The following TENM3 variants were observed in gnomAD, a reference collection of about 807,000 sequenced individuals.
TENM3 encodes teneurin transmembrane protein 3, also known as teneurin-3.
A neutral mutation model predicts 255.1 loss-of-function variants in TENM3; 63 were observed. That is an observed-to-expected ratio of 0.25 (90% confidence interval 0.20 to 0.30). The LOEUF (loss-of-function observed/expected upper bound fraction) is 0.30, where lower values mean the gene tolerates loss of function less well. Among genes scored for constraint, TENM3 ranks in the 10% least tolerant of loss-of-function variants. The probability of loss-of-function intolerance (pLI) is 1.00; values close to 1 mark genes in which losing one functional copy is unlikely to be tolerated. For synonymous variants in TENM3, 1,306 were observed against 1,322.3 expected (o/e 0.99, Z 0.27); for missense variants, 2,929 against 3,461.1 (o/e 0.85, Z 3.86).
chr4:181,547,168 A>C, the TENM3 span, among the ~76,000 whole-genome samples: 15,947 of 152,236 alleles, frequency 0.1, 1,158 homozygotes, highest in African/African-American at 0.19. Context: ...ATCAGAGAAA[A>C]GAGAAAAAGT....
chr4:182,551,384 T>C (rs1741995363), intron 3 of TENM3, among the ~76,000 whole-genome samples: 1 of 152,112 alleles, frequency 6.6e-6, no homozygotes, highest in African/African-American at 2.4e-5. Flanking sequence ...TAATAAACAG[T>C]TTTCAAAGAA....
intron 12 of TENM3, among the ~76,000 whole-genome samples, chr4:182,689,475 C>T (rs1356124838): frequency 6.6e-6 from 1 of 152,162 alleles, no homozygotes; most frequent in Non-Finnish European, 1.5e-5. Flanking sequence ...ACATCCTTGA[C>T]ATCTGTTTCA....
At chr4:181,454,354 T>C in the TENM3 span, among the ~76,000 whole-genome samples, 1 of 152,188 alleles carries the variant, frequency 6.6e-6, no homozygotes, top group South Asian at 2.1e-4. Flanking sequence ...TGTTTTCTAA[T>C]GTTATAATGG....
chr4:181,965,928 T>C, the TENM3 span, among the ~76,000 whole-genome samples: 1 of 152,200 alleles, frequency 6.6e-6, no homozygotes, highest in East Asian at 1.9e-4. Context: ...GATCTATCCA[T>C]TAGAAAGGTC....
the TENM3 span, among the ~76,000 whole-genome samples, chr4:181,668,819 A>C: frequency 6.6e-6 from 1 of 152,074 alleles, no homozygotes; most frequent in Non-Finnish European, 1.5e-5. Context: ...TTCTCCCTGG[A>C]ATGTCCTGCT....
chr4:182,031,483 G>A, the TENM3 span, among the ~76,000 whole-genome samples: 2 of 152,058 alleles, frequency 1.3e-5, no homozygotes, highest in African/African-American at 4.8e-5. Context: ...GAAGTCAGGG[G>A]CATGATGCTT....
At chr4:181,968,605 A>G in the TENM3 span, among the ~76,000 whole-genome samples, 1 of 152,192 alleles carries the variant, frequency 6.6e-6, no homozygotes, top group Non-Finnish European at 1.5e-5. Flanking sequence ...GAATACAGAA[A>G]ATGTTTTAAA....
the TENM3 span, among the ~76,000 whole-genome samples, chr4:181,801,803 T>C: frequency 2.6e-5 from 4 of 151,676 alleles, no homozygotes; most frequent in South Asian, 8.3e-4. Context: ...GGTTTGTCAT[T>C]TTCACTTCCT....
rs555200403 is a variant in TENM3, at chr4:182,286,303, A to G, written c.-75-37643A>G. Among the ~76,000 whole-genome samples, 16 of 152,238 alleles carry G rather than the reference A, an allele frequency of 1.1e-4. No individual in the cohort carries two copies. The South Asian group carries it at 3.1e-3, about 30-fold the overall frequency. On this transcript the variant is annotated intron_variant, in intron 1 of 27. Coordinates refer to ENST00000511685, the MANE Select transcript of TENM3 (RefSeq NM_001080477.4). ...TTTCTCTTAAACCTGCCATTCTACA[A>G]TTTTCTTTTCCCTTCTCAGATAAGC... is the stretch of plus-strand genomic sequence containing the variant.
At chr4:182,174,881 AT>A (rs568867505) in intron 1 of TENM3, among the ~76,000 whole-genome samples, 5 of 152,206 alleles carry the variant, frequency 3.3e-5, no homozygotes, top group African/African-American at 9.6e-5. Flanking sequence ...ACTCATTTTC[AT>A]TTTTTAATTC....
the TENM3 span, among the ~76,000 whole-genome samples, chr4:181,594,435 T>A: frequency 6.6e-6 from 1 of 152,240 alleles, no homozygotes; most frequent in African/African-American, 2.4e-5. Context: ...TCATCAGCAT[T>A]GGTCCACCCC....
intron 3 of TENM3, among the ~76,000 whole-genome samples, chr4:182,594,374 A>T (rs1746972029): frequency 6.6e-6 from 1 of 152,006 alleles, no homozygotes; most frequent in African/African-American, 2.4e-5. Context: ...CAAAAAATTT[A>T]AAAATTAGCT....
chr4:182,233,686 C>T (rs1756717179), intron 1 of TENM3, among the ~76,000 whole-genome samples: 1 of 152,190 alleles, frequency 6.6e-6, no homozygotes, highest in Non-Finnish European at 1.5e-5. Context: ...GCAGATATGC[C>T]AGCACTATCT....
At chr4:181,689,751 A>C in the TENM3 span, among the ~76,000 whole-genome samples, 1 of 152,164 alleles carries the variant, frequency 6.6e-6, no homozygotes, top group Non-Finnish European at 1.5e-5. Context: ...AGCAGTTTTC[A>C]CTGTAAAGGT....
chr4:182,592,629 G>T (rs1746783751), intron 3 of TENM3, among the ~76,000 whole-genome samples: 1 of 152,198 alleles, frequency 6.6e-6, no homozygotes, highest in Non-Finnish European at 1.5e-5. Flanking sequence ...GGAGGCTGAG[G>T]CAGGAGAATC....
At chr4:181,809,802 C>A in the TENM3 span, among the ~76,000 whole-genome samples, 1 of 152,220 alleles carries the variant, frequency 6.6e-6, no homozygotes, top group South Asian at 2.1e-4. Flanking sequence ...ACGCCCAAGG[C>A]AGCTCAGGTT....
the TENM3 span, among the ~76,000 whole-genome samples, chr4:181,933,867 T>C: frequency 9.2e-5 from 14 of 152,292 alleles, no homozygotes; most frequent in East Asian, 1.7e-3. Context: ...ACTCAATAGA[T>C]TTTTTGTGTA....
chr4:182,276,155 A>C (rs1340266236), intron 1 of TENM3, among the ~76,000 whole-genome samples: 1 of 152,186 alleles, frequency 6.6e-6, no homozygotes, highest in East Asian at 1.9e-4. Context: ...AGATCCAAAA[A>C]GAGAGGGTCT....
intron 19 of TENM3, 102 bp from the exon 20 acceptor site, chr4:182,751,698 G>T: frequency 1.3e-6 from 1 of 797,844 alleles, no homozygotes. Flanking sequence ...ATGGATTCCA[G>T]ACTATAATCA....
Sources: allele counts gnomAD v4.1 joint callset (sites outside exome capture counted in the v4.1 genomes callset), GRCh38; gene constraint gnomAD v4.1.1; transcripts MANE v1.5; gene names NCBI Gene and HGNC (gene_info 2026-07-23, HGNC 2026-07-21).